The following ZNF496 variants were observed in gnomAD, a reference collection of about 807,000 sequenced individuals.
The protein encoded by ZNF496 is NSD1 (nuclear receptor binding SET-domain containing 1)-interacting zinc finger protein 1.
In ZNF496, 11 loss-of-function variants were observed where a neutral mutation model predicts 58.9. The ratio of observed to expected loss-of-function variants is 0.19; its 90% confidence interval spans 0.12 to 0.31. The LOEUF is 0.31. Among genes scored for constraint, ZNF496 ranks in the 10% least tolerant of loss-of-function variants. The pLI, the probability that ZNF496 is intolerant of heterozygous loss-of-function variation, is 1.00. For missense variants in ZNF496, 660 were observed against 783.0 expected (o/e 0.84, Z 1.88); for synonymous variants, 338 against 318.2 (o/e 1.06, Z -0.66).
Position 247,309,333 on chromosome 1 carries a change from G to A in ZNF496, c.892+366C>T. The A allele has an allele frequency of 2.9e-6, 3 of 1,042,834 alleles. No individual in the cohort carries two copies. The highest frequency in any genetic ancestry group is 1.2e-6 in the Non-Finnish European group (1 of 855,902). 64.6% of individuals were successfully genotyped at this position (1,042,834 alleles called of 1,614,324 possible). A position where few individuals can be genotyped will look rare whatever the true frequency, so the allele number is the denominator to read the frequency against. On this transcript the variant is annotated intron_variant, in intron 8 of 9. Transcript: ENST00000682384. The surrounding 1 kb of genome is among the most constrained non-coding windows in gnomAD (Gnocchi z 4.3). Reference sequence around the variant, plus strand: ...GAGGCACCTCAAAGGGCTGCGCTCGGTGCCCAGTTAGGAGACACTCCCTCT... The same window carrying A: ...GAGGCACCTCAAAGGGCTGCGCTCGATGCCCAGTTAGGAGACACTCCCTCT...
chr1:247,317,873 A>G (rs1390523177), intron 6 of ZNF496, among the ~76,000 whole-genome samples: 1 of 152,230 alleles, frequency 6.6e-6, no homozygotes, highest in Non-Finnish European at 1.5e-5. Context: ...ATGAATAAAG[A>G]TAACCACCAA....
In ZNF496 at chr1:247,309,370, T is replaced by A. The variant is rs1659520097; in HGVS notation, c.892+329A>T. 1 of 1,140,004 alleles carries A rather than the reference T, an allele frequency of 8.8e-7. No homozygotes were observed. Among genetic ancestry groups the A allele is most frequent in the African/African-American group, 1.6e-5 (1 of 62,142 alleles). 70.6% of individuals were successfully genotyped at this position (1,140,004 alleles called of 1,614,324 possible). A position where few individuals can be genotyped will look rare whatever the true frequency, so the allele number is the denominator to read the frequency against. ...GAGACACTCCCTCTGCAACTAGGCT[T>A]GTCATGAGTATCTGACTTCACTCCT... On this transcript the variant is annotated intron_variant, in intron 8 of 9. Coordinates refer to ENST00000682384, the MANE Select transcript of ZNF496 (RefSeq NM_032752.3). The surrounding 1 kb of genome is among the most constrained non-coding windows in gnomAD (Gnocchi z 4.3).
chr1:247,310,210 C>G (rs549866192), intron 7 of ZNF496, 114 bp downstream of exon 7: 19 of 1,527,518 alleles, frequency 1.2e-5, no homozygotes, highest in Non-Finnish European at 1.6e-5. Context: ...ACAGAGAGAT[C>G]TGATGCAGGC....
intron 9 of ZNF496, among the ~76,000 whole-genome samples, chr1:247,301,792 G>A (rs754498295): frequency 1.3e-5 from 2 of 152,146 alleles, no homozygotes; most frequent in African/African-American, 4.8e-5. Flanking sequence ...GCTCCTGGAC[G>A]CAACCCGATG....
At chr1:247,307,527 A>AT in intron 9 of ZNF496, 4 of 985,414 alleles carry the variant, frequency 4.1e-6, no homozygotes, top group Non-Finnish European at 4.8e-6. Context: ...CCCCAAATGA[A>AT]TGCATCACTC....
chr1:247,326,922 C>T (rs1376273604), intron 5 of ZNF496, among the ~76,000 whole-genome samples: 2 of 152,128 alleles, frequency 1.3e-5, no homozygotes, highest in African/African-American at 2.4e-5. Context: ...ACATCTTCCT[C>T]TTCCTTTCCC....
At chr1:247,331,758 G>GGGGCC in intron 1 of ZNF496, 32 bp downstream of exon 1, 1 of 149,782 alleles carries the variant, frequency 6.7e-6, no homozygotes, top group Admixed American at 6.6e-5. Flanking sequence ...AGGGCGGGGC[G>GGGGCC]GGGCCGGCCG....
At chr1:247,319,475 G>A (rs1659889251) in intron 6 of ZNF496, among the ~76,000 whole-genome samples, 1 of 152,088 alleles carries the variant, frequency 6.6e-6, no homozygotes, top group Non-Finnish European at 1.5e-5. Context: ...AGAAAAATAG[G>A]AAAAAGGAAA....
intron 6 of ZNF496, among the ~76,000 whole-genome samples, chr1:247,321,230 C>T (rs1659953120): frequency 6.6e-6 from 1 of 151,976 alleles, no homozygotes; most frequent in East Asian, 1.9e-4. Flanking sequence ...CATAGATGAA[C>T]CTTGAGGACA....
At position 247,300,807 on chromosome 1, in the gene ZNF496, C is replaced by A; in HGVS notation, c.1476G>T (p.Gln492His). Residue 492 changes from glutamine to histidine, a missense_variant, in exon 10 of 10, where the codon CAG becomes CAT. Gln to His is a conservative substitution (Grantham distance 24). Transcript: ENST00000682384. The surrounding 1 kb of genome is among the most constrained non-coding windows in gnomAD (Gnocchi z 5.7). ...CCGCCTGCTCTCTCTTCTCCACCGG[C>A]TGGAGTCTGTCCGGCTGCAGGTGTA... ...RRIHLQPDRL[Q>H]PVEKREQAAS... 1 of 1,604,170 alleles carries A rather than the reference C, an allele frequency of 6.2e-7. No homozygotes were observed. Among genetic ancestry groups the A allele is most frequent in the Non-Finnish European group, 8.5e-7 (1 of 1,173,360 alleles).
chr1:247,307,445 T>C (rs1214706134), intron 9 of ZNF496: 2 of 985,304 alleles, frequency 2.0e-6, no homozygotes, highest in African/African-American at 3.5e-5. Context: ...AGACATGCTA[T>C]GGGCAGAAAG....
chr1:247,302,626 C>T (rs1659283675), intron 9 of ZNF496, among the ~76,000 whole-genome samples: 1 of 150,412 alleles, frequency 6.6e-6, no homozygotes. Flanking sequence ...CAGGTGTGAG[C>T]CACTGCGCCC....
In ZNF496 at chr1:247,329,313, T is replaced by C. The variant is rs567147349; in HGVS notation, c.266A>G (p.Gln89Arg). The change falls in exon 4 of 10, where the codon CAG becomes CGG. Residue 89 changes from glutamine to arginine, a missense_variant. Coordinates refer to ENST00000682384, the MANE Select transcript of ZNF496 (RefSeq NM_032752.3). This position sits in a 1 kb window ranked among gnomAD's most constrained non-coding sequence, Gnocchi z 5.5. Reference protein sequence around the residue: ...EQILELLVLEQFLAILPREIQ... With the variant: ...EQILELLVLERFLAILPREIQ... Reference sequence around the variant, plus strand: ...CTCCCGGGGCAGGATGGCCAGGAACTGCTCCAGCACCAGCAGCTCCAGAAT... The same window carrying C: ...CTCCCGGGGCAGGATGGCCAGGAACCGCTCCAGCACCAGCAGCTCCAGAAT... The C allele has an allele frequency of 6.2e-7, 1 of 1,613,656 alleles. No homozygotes were observed. Among genetic ancestry groups the C allele is most frequent in the East Asian group, 2.2e-5 (1 of 44,868 alleles).
chr1:247,317,212 TG>T (rs1473408997), intron 6 of ZNF496, among the ~76,000 whole-genome samples: 1 of 152,092 alleles, frequency 6.6e-6, no homozygotes, highest in African/African-American at 2.4e-5. Context: ...CCAGGGACCT[TG>T]GAACAGTATG....
chr1:247,316,730 C>G (rs527738623), intron 6 of ZNF496, among the ~76,000 whole-genome samples: 1 of 152,112 alleles, frequency 6.6e-6, no homozygotes, highest in African/African-American at 2.4e-5. Flanking sequence ...GAAGCAAACC[C>G]AAGTCCAAGG....
At chr1:247,301,655 G>A (rs765059873) in intron 9 of ZNF496, among the ~76,000 whole-genome samples, 19 of 152,148 alleles carry the variant, frequency 1.2e-4, no homozygotes, top group Admixed American at 5.2e-4. Context: ...AACAAGGCAT[G>A]GGGGAAAGCT....
At chr1:247,321,964 C>T (rs1057111734) in intron 6 of ZNF496, among the ~76,000 whole-genome samples, 4 of 152,168 alleles carry the variant, frequency 2.6e-5, no homozygotes, top group Non-Finnish European at 5.9e-5. Flanking sequence ...TCCTTCCCAT[C>T]CCTAGCCCTC....
chr1:247,306,249 G>A (rs994760333), intron 9 of ZNF496, among the ~76,000 whole-genome samples: 5 of 151,598 alleles, frequency 3.3e-5, no homozygotes, highest in Admixed American at 6.6e-5. Context: ...AGGCTGGAGC[G>A]CAGTGGCGTG....
chr1:247,301,385 C>T, intron 9 of ZNF496, 109 bp from the exon 10 acceptor site: 2 of 1,400,702 alleles, frequency 1.4e-6, no homozygotes, highest in Non-Finnish European at 1.9e-6. Context: ...CGTGTTTTTA[C>T]AATGGTCCTC....
Sources: gnomAD v4.1 joint callset for allele counts (sites outside exome capture counted in the v4.1 genomes callset) on GRCh38, gnomAD v4.1.1 for gene constraint, Gnocchi (gnomAD v3.1) non-coding constraint, MANE v1.5 for transcripts, NCBI Gene and HGNC (gene_info 2026-07-23, HGNC 2026-07-21) for gene names.